Variants in ARMC2 observed in about 807,000 individuals in gnomAD.
The protein encoded by ARMC2 is armadillo repeat-containing protein 2.
ARMC2 carries 67 observed loss-of-function variants against 90.3 expected under a neutral mutation model. That is an observed-to-expected ratio of 0.74 (90% CI 0.61 to 0.91). The LOEUF (loss-of-function observed/expected upper bound fraction) is 0.91. Ranked by LOEUF, ARMC2 falls within the 40% of genes least tolerant of loss-of-function variation. The pLI, the probability that ARMC2 is intolerant of heterozygous loss-of-function variation, is 0.00. For missense variants in ARMC2, 920 were observed against 1,030.9 expected (o/e 0.89, Z 1.47); for synonymous variants, 393 against 393.0 (o/e 1.00, Z 0.00).
intron 13 of ARMC2, among the ~76,000 whole-genome samples, chr6:108,958,286 G>A (rs1777736262): frequency 6.6e-6 from 1 of 152,084 alleles, no homozygotes; most frequent in Non-Finnish European, 1.5e-5. Flanking sequence ...CCAGTTTATG[G>A]TATTTTATTA....
At chr6:109,025,441 A>C in the ARMC2 span, among the ~76,000 whole-genome samples, 1 of 151,726 alleles carries the variant, frequency 6.6e-6, no homozygotes, top group South Asian at 2.1e-4. Flanking sequence ...AATAATAAAA[A>C]GTACTATGCA....
At chr6:108,944,483 G>C (rs1320033649) in intron 12 of ARMC2, among the ~76,000 whole-genome samples, 1 of 152,148 alleles carries the variant, frequency 6.6e-6, no homozygotes, top group African/African-American at 2.4e-5. Flanking sequence ...AGGAGAGATG[G>C]GCACAGGCTC....
intron 10 of ARMC2, among the ~76,000 whole-genome samples, chr6:108,925,471 G>GT (rs1775019679): frequency 6.6e-6 from 1 of 152,226 alleles, no homozygotes; most frequent in Admixed American, 6.5e-5. Context: ...GTCTGGAGGA[G>GT]TAGACAGATA....
chr6:108,888,580 T>G (rs1356810926), intron 5 of ARMC2, among the ~76,000 whole-genome samples: 1 of 152,220 alleles, frequency 6.6e-6, no homozygotes, highest in African/African-American at 2.4e-5. Context: ...AGAAACAGAT[T>G]TCTTTTGAGT....
At chr6:108,978,163 G>C (rs1451548227), downstream of ARMC2, among the ~76,000 whole-genome samples, 1 of 152,152 alleles carries the variant, frequency 6.6e-6, no homozygotes, top group African/African-American at 2.4e-5. Flanking sequence ...TCTACACACT[G>C]CTTTAAATAT....
the ARMC2 span, among the ~76,000 whole-genome samples, chr6:109,039,100 GAGGAGA>G: frequency 6.7e-6 from 1 of 149,356 alleles, no homozygotes; most frequent in South Asian, 2.2e-4. Flanking sequence ...GAGAAGGAGG[GAGGAGA>G]AGGAGAAGGA....
Position 108,899,793 on chromosome 6 carries a change from G to A in ARMC2, c.847+1G>A, listed in dbSNP as rs201079109. 51 of 1,601,152 alleles carry A rather than the reference G, an allele frequency of 3.2e-5. No individual in the cohort carries two copies. Among genetic ancestry groups the A allele is most frequent in the Non-Finnish European group, 4.2e-5 (49 of 1,174,714 alleles). ...CCGATTTTGCGTGAATTAGAAAAGG[G>A]TAAAACACAAACAAACAAACAAAAA... On this transcript the variant is annotated splice_donor_variant, in intron 7 of 17. Transcript: ENST00000392644. LOFTEE classifies it high-confidence loss of function.
chr6:108,889,833 A>G (rs535448595), intron 5 of ARMC2, among the ~76,000 whole-genome samples: 3 of 151,848 alleles, frequency 2.0e-5, no homozygotes, highest in African/African-American at 7.3e-5. Flanking sequence ...AGTTCTTACA[A>G]TCTGTTGAAT....
chr6:108,937,928 C>T (rs552756449), intron 12 of ARMC2, among the ~76,000 whole-genome samples: 51 of 152,150 alleles, frequency 3.4e-4, no homozygotes, highest in African/African-American at 1.1e-3. Flanking sequence ...GATCTCCTGA[C>T]CTCATGATCC....
chr6:108,926,955 AG>A (rs1775155258), intron 10 of ARMC2, among the ~76,000 whole-genome samples: 1 of 141,358 alleles, frequency 7.1e-6, no homozygotes, highest in Non-Finnish European at 1.5e-5. Flanking sequence ...CTGTGTTTTC[AG>A]GGTAGTCAGT....
intron 10 of ARMC2, among the ~76,000 whole-genome samples, chr6:108,914,401 C>A (rs1402983526): frequency 6.6e-6 from 1 of 152,054 alleles, no homozygotes; most frequent in East Asian, 1.9e-4. Context: ...ACATTTGTGT[C>A]CCCCCACCTC....
At chr6:108,990,859 T>A in the ARMC2 span, 1 of 1,588,046 alleles carries the variant, frequency 6.3e-7, no homozygotes, top group Non-Finnish European at 8.6e-7. Context: ...ATAGAACAAA[T>A]GTGAATAAAT....
chr6:108,900,638 T>G (rs1772039817), intron 7 of ARMC2, among the ~76,000 whole-genome samples: 1 of 152,144 alleles, frequency 6.6e-6, no homozygotes, highest in Admixed American at 6.5e-5. Flanking sequence ...ACCTGATTAC[T>G]GAAAGGTTCA....
At chr6:108,964,571 C>G (rs1049843905) in intron 16 of ARMC2, among the ~76,000 whole-genome samples, 3 of 152,050 alleles carry the variant, frequency 2.0e-5, no homozygotes, top group African/African-American at 7.2e-5. Context: ...GCCAGGAGTT[C>G]GAGAGCAGCC....
intron 10 of ARMC2, among the ~76,000 whole-genome samples, chr6:108,916,156 A>C (rs1207042819): frequency 6.6e-6 from 1 of 152,194 alleles, no homozygotes; most frequent in African/African-American, 2.4e-5. Context: ...GTATGGCTGT[A>C]TGTATTGATA....
the ARMC2 span, among the ~76,000 whole-genome samples, chr6:109,023,942 A>AT: frequency 1.6e-4 from 24 of 151,714 alleles, no homozygotes; most frequent in South Asian, 2.1e-4. Flanking sequence ...AGAATGAGTG[A>AT]TTTTTTTTTC....
rs567104250 is a variant in ARMC2 at position 108,973,653 on chromosome 6, A to AT, written c.*145dup. On this transcript the variant is annotated 3_prime_UTR_variant, in exon 18 of 18. Transcript: ENST00000392644. ...ACTGGTTTTAGTGAGTAGCTGAAGT[A>AT]TTTTTTAAAATTAAGCATTTCTTCT... 20 of 773,774 alleles carry AT rather than the reference A, an allele frequency of 2.6e-5. No individual in the cohort carries two copies. The African/African-American group carries it at 2.6e-4, about 10-fold the overall frequency. The allele number at this position is 773,774 out of a possible 1,614,324, so 47.9% of individuals were successfully genotyped here. A position where few individuals can be genotyped will look rare whatever the true frequency, so the allele number is the denominator to read the frequency against.
At chr6:109,038,722 T>G in the ARMC2 span, among the ~76,000 whole-genome samples, 1 of 152,206 alleles carries the variant, frequency 6.6e-6, no homozygotes, top group Non-Finnish European at 1.5e-5. Context: ...CTTAAGAAAT[T>G]TTTAATAAGC....
chr6:108,856,015 T>G (rs1774558650), intron 2 of ARMC2, among the ~76,000 whole-genome samples: 1 of 152,224 alleles, frequency 6.6e-6, no homozygotes, highest in Non-Finnish European at 1.5e-5. Context: ...CTTCTTCTTC[T>G]CTTGATAGTG....
Sources: gnomAD v4.1 joint callset for allele counts (sites outside exome capture counted in the v4.1 genomes callset) on GRCh38, gnomAD v4.1.1 for gene constraint, MANE v1.5 for transcripts, NCBI Gene and HGNC (gene_info 2026-07-23, HGNC 2026-07-21) for gene names.